The following FHIT variants were observed in gnomAD, a reference collection of about 807,000 sequenced individuals.
FHIT encodes bis(5'-adenosyl)-triphosphatase.
In FHIT, 19 loss-of-function variants were observed where a neutral mutation model predicts 17.9. The ratio of observed to expected loss-of-function variants is 1.06; its 90% CI spans 0.74 to 1.56. The LOEUF is 1.56. Among genes scored for constraint, FHIT ranks in the 40% most tolerant of loss-of-function variants. FHIT has a pLI of 0.00. For missense variants in FHIT, 248 were observed against 189.2 expected (o/e 1.31, Z -1.82); for synonymous variants, 81 against 69.7 (o/e 1.16, Z -0.81).
At chr3:60,372,920 G>A (rs990637934) in intron 5 of FHIT, among the ~76,000 whole-genome samples, 1 of 152,184 alleles carries the variant, frequency 6.6e-6, no homozygotes, top group Non-Finnish European at 1.5e-5. Flanking sequence ...TAAGTTAATA[G>A]AGATGAATTT....
intron 5 of FHIT, among the ~76,000 whole-genome samples, chr3:60,370,457 C>T (rs1490527746): frequency 6.6e-6 from 1 of 152,142 alleles, no homozygotes; most frequent in Non-Finnish European, 1.5e-5. Flanking sequence ...GTCAACATTT[C>T]AAGGTCGCGC....
intron 7 of FHIT, among the ~76,000 whole-genome samples, chr3:59,944,946 A>G (rs2366964): frequency 0.16 from 23,686 of 152,064 alleles, 2,479 homozygotes; most frequent in East Asian, 0.33. Context: ...TTTTAGGTTG[A>G]TTATATGCCT....
intron 4 of FHIT, among the ~76,000 whole-genome samples, chr3:60,652,679 G>C (rs1445389766): frequency 7.3e-6 from 1 of 136,394 alleles, no homozygotes; most frequent in Non-Finnish European, 1.5e-5. Flanking sequence ...AGTGAGCTGA[G>C]ATTGTGCCAC....
chr3:60,159,489 G>A lies in FHIT; in HGVS notation c.104-145337C>T, dbSNP rs143141380. On this transcript the variant is annotated intron_variant, in intron 5 of 9. Coordinates refer to ENST00000492590, the MANE Select transcript of FHIT (RefSeq NM_002012.4). Reference sequence around the variant, plus strand: ...TACATATCCTCACAAGCCAATTTTCGTATGGTTTAAATTAAATTATAAGGG... The same window carrying A: ...TACATATCCTCACAAGCCAATTTTCATATGGTTTAAATTAAATTATAAGGG... Among the ~76,000 whole-genome samples, 530 of 152,138 alleles carry A rather than the reference G, an allele frequency of 3.5e-3. 4 individuals are homozygous for A. The highest frequency in any genetic ancestry group is 0.012 in the African/African-American group (490 of 41,506).
At chr3:60,308,171 C>G (rs1195216304) in intron 5 of FHIT, among the ~76,000 whole-genome samples, 2 of 152,156 alleles carry the variant, frequency 1.3e-5, no homozygotes, top group African/African-American at 4.8e-5. Context: ...CAGTCAGTCT[C>G]AGCTCCACCT....
intron 5 of FHIT, among the ~76,000 whole-genome samples, chr3:60,259,168 C>T (rs1374540673): frequency 6.6e-6 from 1 of 151,956 alleles, no homozygotes; most frequent in Non-Finnish European, 1.5e-5. Context: ...ATCTCTGCAG[C>T]AGGCCAGGAA....
At position 60,842,303 on chromosome 3, in the gene FHIT, C is replaced by G. The variant is rs111706097; in HGVS notation, c.-110-20292G>C. ...CCGAGTCTGCCTTAGTCAATGTAAA[C>G]TCCTAATGAGACCATGTCTAGACAG... On this transcript the variant is annotated intron_variant, in intron 3 of 9. Coordinates refer to ENST00000492590, the MANE Select transcript of FHIT (RefSeq NM_002012.4). Among the ~76,000 whole-genome samples, 72 of 151,820 alleles carry G rather than the reference C, an allele frequency of 4.7e-4. 1 individual carries two copies. Among genetic ancestry groups the G allele is most frequent in the Middle Eastern group, 3.4e-3 (1 of 294 alleles).
At chr3:60,870,725 G>T (rs1392262199) in intron 3 of FHIT, among the ~76,000 whole-genome samples, 1 of 152,104 alleles carries the variant, frequency 6.6e-6, no homozygotes, top group African/African-American at 2.4e-5. Flanking sequence ...GAATGCAATA[G>T]TCCCACTAGT....
chr3:60,475,897 T>A (rs7645058), intron 5 of FHIT, among the ~76,000 whole-genome samples: 48,818 of 152,046 alleles, frequency 0.32, 8,420 homozygotes, highest in East Asian at 0.54. Flanking sequence ...CTTCAGCGTA[T>A]CTTTTCCACT....
intron 2 of FHIT, among the ~76,000 whole-genome samples, chr3:61,065,113 A>T (rs539663281): frequency 6.6e-5 from 10 of 152,336 alleles, no homozygotes; most frequent in Non-Finnish European, 1.3e-4. Context: ...AAAAAAAGAC[A>T]CATGAAGATT....
chr3:60,024,805 A>G (rs1188021260), intron 5 of FHIT, among the ~76,000 whole-genome samples: 3 of 152,192 alleles, frequency 2.0e-5, no homozygotes. Context: ...GGCCCTTGAT[A>G]GCCTTGGTCA....
At chr3:60,287,253 C>T (rs951284170) in intron 5 of FHIT, among the ~76,000 whole-genome samples, 1 of 152,200 alleles carries the variant, frequency 6.6e-6, no homozygotes, top group African/African-American at 2.4e-5. Context: ...ACTGCAGCCT[C>T]TGCCTCCCAG....
At chr3:60,811,389 AC>A (rs2106716579) in intron 4 of FHIT, among the ~76,000 whole-genome samples, 1 of 152,298 alleles carries the variant, frequency 6.6e-6, no homozygotes, top group East Asian at 1.9e-4. Flanking sequence ...GGAATTTCTG[AC>A]ATTTTAACTT....
At chr3:60,547,610 C>G (rs996479294) in intron 4 of FHIT, among the ~76,000 whole-genome samples, 2 of 152,198 alleles carry the variant, frequency 1.3e-5, no homozygotes, top group Non-Finnish European at 2.9e-5. Context: ...CTTGCTACCT[C>G]TCTCTTATGA....
At chr3:60,655,872 G>A (rs2040102711) in intron 4 of FHIT, among the ~76,000 whole-genome samples, 1 of 152,182 alleles carries the variant, frequency 6.6e-6, no homozygotes. Context: ...TATTTTGGAA[G>A]GGGTTAGTTG....
intron 5 of FHIT, among the ~76,000 whole-genome samples, chr3:60,203,347 A>G (rs2107498626): frequency 6.6e-6 from 1 of 152,340 alleles, no homozygotes; most frequent in East Asian, 1.9e-4. Flanking sequence ...GTTCATCATC[A>G]GTGAACACCT....
At chr3:59,784,081 T>G (rs1013337582) in intron 8 of FHIT, among the ~76,000 whole-genome samples, 1 of 152,164 alleles carries the variant, frequency 6.6e-6, no homozygotes, top group Non-Finnish European at 1.5e-5. Flanking sequence ...GGCCAAAAAA[T>G]GATATAAAAA....
chr3:60,848,172 T>A (rs1289190902), intron 3 of FHIT, among the ~76,000 whole-genome samples: 1 of 152,146 alleles, frequency 6.6e-6, no homozygotes, highest in African/African-American at 2.4e-5. Context: ...TTCCAATTAT[T>A]TTTCATAAGA....
intron 5 of FHIT, among the ~76,000 whole-genome samples, chr3:60,229,602 A>AG (rs1232320264): frequency 6.6e-6 from 1 of 152,162 alleles, no homozygotes; most frequent in African/African-American, 2.4e-5. Flanking sequence ...TGTCTTTAGA[A>AG]GGGGACTTTC....
Sources: gnomAD v4.1 joint callset for allele counts (sites outside exome capture counted in the v4.1 genomes callset) on GRCh38, gnomAD v4.1.1 for gene constraint, MANE v1.5 for transcripts, NCBI Gene and HGNC (gene_info 2026-07-23, HGNC 2026-07-21) for gene names.